KIAA0930: variants seen among roughly 807,000 people sequenced by gnomAD.
KIAA0930 encodes the protein uncharacterized protein KIAA0930.
KIAA0930 carries 24 observed loss-of-function variants against 43.9 expected under a neutral mutation model. The ratio of observed to expected loss-of-function variants is 0.55; its 90% CI spans 0.40 to 0.77. The LOEUF is 0.77. Ranked by LOEUF, KIAA0930 falls within the 30% of genes least tolerant of loss-of-function variation. The pLI is 0.00. For synonymous variants in KIAA0930, 259 were observed against 216.4 expected, an observed-to-expected ratio of 1.20 and a Z score of -1.73; for missense variants, 461 against 574.2, an observed-to-expected ratio of 0.80 and a Z score of 2.02.
At chr22:45,226,122 CAG>C (rs2083798615) in intron 1 of KIAA0930, 2 of 406,154 alleles carry the variant, frequency 4.9e-6, no homozygotes, top group Admixed American at 5.5e-5. Context: ...TCGGTGCGTT[CAG>C]AGAGCACGCG....
In KIAA0930 at chr22:45,205,304, G is replaced by C; in HGVS notation, c.429C>G (p.Ser143=). ...TGCTGTCCATGGGGTGTTTACTGGG[G>C]GACGCGAACACTTGCTGGAAGAAAG... is the stretch of plus-strand genomic sequence containing the variant. ...HKKKSQQVFA[S]PSKHPMDSKG... is the part of the protein sequence containing the mutation. Residue 143 remains serine (S), a synonymous_variant, in exon 5 of 10, where the codon TCC becomes TCG. Coordinates refer to ENST00000336156, the MANE Select transcript of KIAA0930 (RefSeq NM_001009880.2). The C allele has an allele frequency of 6.2e-7, 1 of 1,613,938 alleles. No individual in the cohort carries two copies. Among genetic ancestry groups the C allele is most frequent in the Admixed American group, 1.7e-5 (1 of 59,986 alleles).
Position 45,225,879 on chromosome 22 carries a change from G to C in KIAA0930, c.65-13772C>G, listed in dbSNP as rs145014000. On this transcript the variant is annotated intron_variant, in intron 1 of 9. Coordinates refer to ENST00000336156, the MANE Select transcript of KIAA0930 (RefSeq NM_001009880.2). Reference sequence around the variant, plus strand: ...CCTTCATTGATCTGATGAGGAACTTGGGGCTCAAGGCCCGAGCGCCTGGTC... The same window carrying C: ...CCTTCATTGATCTGATGAGGAACTTCGGGCTCAAGGCCCGAGCGCCTGGTC... 7.3e-3 allele frequency among the ~76,000 whole-genome samples: 1,110 copies of C among 152,354 alleles called. 6 individuals carry two copies. The highest frequency in any genetic ancestry group is 0.025 in the African/African-American group (1,056 of 41,576).
chr22:45,196,909 G>C lies in KIAA0930; in HGVS notation c.*267C>G. On this transcript the variant is annotated 3_prime_UTR_variant, in exon 10 of 10. Transcript: ENST00000336156. This position sits in a 1 kb window ranked among gnomAD's most constrained non-coding sequence, Gnocchi z 4.1. ...CCGCTCGGCATCTCTAGTCCTCTTTGGGTGCAGAGGGCTCTCCAGAGATGG... is the reference window on the plus strand; with the variant it reads ...CCGCTCGGCATCTCTAGTCCTCTTTCGGTGCAGAGGGCTCTCCAGAGATGG... 1 of 450,486 alleles carries C rather than the reference G, an allele frequency of 2.2e-6. No homozygotes were observed. The highest frequency in any genetic ancestry group is 3.9e-6 in the Non-Finnish European group (1 of 254,540). 27.9% of individuals were successfully genotyped at this position (450,486 alleles called of 1,614,324 possible). A position where few individuals can be genotyped will look rare whatever the true frequency, so the allele number is the denominator to read the frequency against.
At chr22:45,197,307 C>T (rs1014975269) in intron 9 of KIAA0930, 91 bp from the exon 10 acceptor site, 24 of 1,170,942 alleles carry the variant, frequency 2.0e-5, no homozygotes, top group Middle Eastern at 2.0e-4. Context: ...GAAGGAAGCC[C>T]GCCTCAGCCA....
chr22:45,213,517 G>A, intron 1 of KIAA0930: 1 of 1,169,354 alleles, frequency 8.6e-7, no homozygotes, highest in Non-Finnish European at 1.1e-6. Context: ...GCTGTCTGCA[G>A]AGTCGCTTTG....
Position 45,195,533 on chromosome 22 carries a change from G to A in KIAA0930, c.*1643C>T, listed in dbSNP as rs922440158. ...GGGGCATGACATGACCTGGCTCTGT[G>A]CTGCCCTAAGACATGGGTTTAGGAA... On this transcript the variant is annotated 3_prime_UTR_variant, in exon 10 of 10. Coordinates refer to ENST00000336156, the MANE Select transcript of KIAA0930 (RefSeq NM_001009880.2). The A allele has an allele frequency of 6.6e-6, 1 of 152,368 alleles. No homozygotes were observed. The highest frequency in any genetic ancestry group is 1.5e-5 in the Non-Finnish European group (1 of 68,168). 9.4% of individuals were successfully genotyped at this position (152,368 alleles called of 1,614,324 possible). A position where few individuals can be genotyped will look rare whatever the true frequency, so the allele number is the denominator to read the frequency against.
At position 45,210,421 on chromosome 22, in the gene KIAA0930, A is replaced by T. The variant is rs553237321; in HGVS notation, c.216+1535T>A. ...AGGGTCACGGGCAGTGAGGATCCTG[A>T]GGCACCATCCACCCCCCTGCCAAGG... On this transcript the variant is annotated intron_variant, in intron 2 of 9. Transcript: ENST00000336156. Among the ~76,000 whole-genome samples, 358 of 152,210 alleles carry T rather than the reference A, an allele frequency of 2.4e-3. 1 individual carries two copies. The highest frequency in any genetic ancestry group is 7.9e-3 in the African/African-American group (330 of 41,530).
intron 1 of KIAA0930, among the ~76,000 whole-genome samples, chr22:45,217,105 A>G (rs957138854): frequency 2.6e-5 from 4 of 152,172 alleles, no homozygotes; most frequent in African/African-American, 4.8e-5. Context: ...TCATGCCTGT[A>G]ATCCCAGCAC....
chr22:45,195,023 T>G lies in KIAA0930; in HGVS notation c.*2153A>C, dbSNP rs1052055999. On this transcript the variant is annotated 3_prime_UTR_variant, in exon 10 of 10. Transcript: ENST00000336156. ...CCACCGCGTGCCCTGTTCACATGCC[T>G]TACAAATTGAGGGCTGATCTCTAAA... is the stretch of plus-strand genomic sequence containing the variant. 6.6e-6 allele frequency: 1 copy of G among 152,258 alleles called. No individual in the cohort carries two copies. The highest frequency in any genetic ancestry group is 6.5e-5 in the Admixed American group (1 of 15,288). The allele number at this position is 152,258 out of a possible 1,614,324, so 9.4% of individuals were successfully genotyped here.
intron 1 of KIAA0930, among the ~76,000 whole-genome samples, chr22:45,236,992 C>T (rs1247101086): frequency 1.3e-5 from 2 of 152,162 alleles, no homozygotes; most frequent in African/African-American, 4.8e-5. Flanking sequence ...AGGTCTTGGG[C>T]CCAGGTCGCG....
chr22:45,212,878 G>A (rs375630066), intron 1 of KIAA0930, among the ~76,000 whole-genome samples: 5 of 152,184 alleles, frequency 3.3e-5, no homozygotes, highest in Admixed American at 1.3e-4. Flanking sequence ...CAGACAAACC[G>A]AGACCACGGG....
intron 7 of KIAA0930, chr22:45,200,877 C>A (rs1438467483): frequency 2.1e-6 from 1 of 471,800 alleles, no homozygotes; most frequent in East Asian, 6.9e-5. Flanking sequence ...AAGGGATCCA[C>A]AGCCTGGGAA....
chr22:45,208,166 T>C (rs1484860797), intron 2 of KIAA0930, among the ~76,000 whole-genome samples: 1 of 152,098 alleles, frequency 6.6e-6, no homozygotes, highest in Non-Finnish European at 1.5e-5. Flanking sequence ...GCCGCCATGG[T>C]ACACTCTGCA....
intron 1 of KIAA0930, among the ~76,000 whole-genome samples, chr22:45,218,220 C>T (rs1395314340): frequency 6.6e-6 from 1 of 151,922 alleles, no homozygotes; most frequent in African/African-American, 2.4e-5. Context: ...TGCAATGGCA[C>T]GATCTCGGCT....
intron 1 of KIAA0930, among the ~76,000 whole-genome samples, chr22:45,231,539 C>A (rs1160835763): frequency 6.6e-6 from 1 of 152,044 alleles, no homozygotes; most frequent in Non-Finnish European, 1.5e-5. Flanking sequence ...CTGCCACCAC[C>A]CCCTCCCCAG....
chr22:45,210,562 G>A (rs945448494), intron 2 of KIAA0930, among the ~76,000 whole-genome samples: 4 of 152,188 alleles, frequency 2.6e-5, no homozygotes, highest in African/African-American at 9.7e-5. Context: ...GAGAGGAGAT[G>A]ACCTGGCAGT....
intron 1 of KIAA0930, among the ~76,000 whole-genome samples, chr22:45,215,796 T>C (rs2083728357): frequency 6.6e-6 from 1 of 152,240 alleles, no homozygotes; most frequent in African/African-American, 2.4e-5. Flanking sequence ...CACAGCATTT[T>C]TTTTTACTTA....
intron 4 of KIAA0930, 53 bp from the exon 5 acceptor site, chr22:45,205,371 C>T (rs2083627394): frequency 6.6e-7 from 1 of 1,511,360 alleles, no homozygotes; most frequent in South Asian, 1.1e-5. Flanking sequence ...GCACACAGGC[C>T]CAGAGCCAGT....
rs2083553370 is a variant in KIAA0930 at position 45,198,029 on chromosome 22, C to G, written c.1016-81G>C. The G allele has an allele frequency of 3.4e-6, 5 of 1,453,208 alleles. No homozygotes were observed. The Admixed American group carries it at 8.7e-5, about 25-fold the overall frequency. The allele number at this position is 1,453,208 out of a possible 1,614,324, so 90.0% of individuals were successfully genotyped here. A position where few individuals can be genotyped will look rare whatever the true frequency, so the allele number is the denominator to read the frequency against. On this transcript the variant is annotated intron_variant, in intron 8 of 9. Coordinates refer to ENST00000336156, the MANE Select transcript of KIAA0930 (RefSeq NM_001009880.2). ...GCAGGAGGCCAGCTCCCAGTCCAGG[C>G]TGAGGCCAAACTCTGCTGAGGCCAG... is the stretch of plus-strand genomic sequence containing the variant.
Sources: allele counts gnomAD v4.1 joint callset (sites outside exome capture counted in the v4.1 genomes callset), GRCh38; gene constraint gnomAD v4.1.1; non-coding constraint Gnocchi (gnomAD v3.1); transcripts MANE v1.5; gene names NCBI Gene and HGNC (gene_info 2026-07-23, HGNC 2026-07-21).